Variants in COX10 observed in about 807,000 individuals in gnomAD.
COX10 encodes cytochrome c oxidase assembly factor heme A:farnesyltransferase COX10, also known as protoheme IX farnesyltransferase, mitochondrial.
Under a neutral mutation model 37.3 loss-of-function variants are expected in COX10, and 27 were observed. The observed-to-expected ratio is 0.72, with a 90% CI of 0.53 to 1.00. The LOEUF (loss-of-function observed/expected upper bound fraction) is 1.00, where lower values mean the gene tolerates loss of function less well. Ranked by LOEUF, COX10 falls within the 50% of genes least tolerant of loss-of-function variation. The pLI is 0.00. For missense variants in COX10, 475 were observed against 563.2 expected (o/e 0.84, Z 1.59); for synonymous variants, 222 against 229.1 (o/e 0.97, Z 0.28).
chr17:14,105,657 A>G (rs990199994), intron 4 of COX10, among the ~76,000 whole-genome samples: 4 of 152,190 alleles, frequency 2.6e-5, no homozygotes, highest in Non-Finnish European at 5.9e-5. Context: ...TTTTCATTGC[A>G]TATCAGTGAG....
intron 4 of COX10, among the ~76,000 whole-genome samples, chr17:14,156,095 G>T (rs1407493451): frequency 6.6e-6 from 1 of 152,170 alleles, no homozygotes; most frequent in Non-Finnish European, 1.5e-5. Flanking sequence ...AGTACATTCT[G>T]TGTGCCAGGC....
chr17:14,129,684 T>G (rs1373699538), intron 4 of COX10, among the ~76,000 whole-genome samples: 1 of 152,214 alleles, frequency 6.6e-6, no homozygotes, highest in Admixed American at 6.5e-5. Context: ...TTGTAAACCA[T>G]GTGTTCCTTT....
chr17:14,138,862 G>A (rs900970839), intron 4 of COX10, among the ~76,000 whole-genome samples: 1 of 152,160 alleles, frequency 6.6e-6, no homozygotes, highest in Non-Finnish European at 1.5e-5. Context: ...GTAGTGTGCT[G>A]TGTGGGGTAT....
chr17:14,113,980 CCT>C (rs1916059525), intron 4 of COX10, among the ~76,000 whole-genome samples: 1 of 152,120 alleles, frequency 6.6e-6, no homozygotes, highest in South Asian at 2.1e-4. Flanking sequence ...AATTCTTTGG[CCT>C]AATCGCCTCT....
intron 4 of COX10, among the ~76,000 whole-genome samples, chr17:14,108,117 T>C (rs187800727): frequency 6.6e-6 from 1 of 152,312 alleles, no homozygotes; most frequent in East Asian, 1.9e-4. Context: ...ACTAACATAT[T>C]TTGTACATCC....
At chr17:14,138,930 G>A (rs986250715) in intron 4 of COX10, among the ~76,000 whole-genome samples, 1 of 152,034 alleles carries the variant, frequency 6.6e-6, no homozygotes, top group African/African-American at 2.4e-5. Context: ...ACGAAGCAAC[G>A]GAGACTCAAG....
intron 4 of COX10, among the ~76,000 whole-genome samples, chr17:14,137,706 C>T: frequency 6.6e-6 from 1 of 151,890 alleles, no homozygotes. Flanking sequence ...CTATCTAATA[C>T]AAATCCCTTT....
chr17:14,073,949 A>G (rs1915087142), intron 1 of COX10, among the ~76,000 whole-genome samples: 2 of 152,144 alleles, frequency 1.3e-5, no homozygotes, highest in South Asian at 4.1e-4. Context: ...ATATATTTCA[A>G]TTTATTGTCA....
At chr17:14,183,627 T>C (rs1356842982) in intron 5 of COX10, among the ~76,000 whole-genome samples, 2 of 152,300 alleles carry the variant, frequency 1.3e-5, no homozygotes, top group Non-Finnish European at 2.9e-5. Flanking sequence ...ATAATAAAAT[T>C]AAATTGTAAG....
At chr17:14,182,068 G>A (rs937026260) in intron 5 of COX10, 19 of 981,194 alleles carry the variant, frequency 1.9e-5, no homozygotes, top group Middle Eastern at 5.2e-4. Context: ...CTTTCAGTCA[G>A]CTTTCAGAAC....
chr17:14,181,841 G>A (rs1480843194), intron 5 of COX10, among the ~76,000 whole-genome samples: 3 of 152,018 alleles, frequency 2.0e-5, no homozygotes, highest in African/African-American at 4.8e-5. Context: ...TGGGACAGTA[G>A]GAATCACTCC....
intron 1 of COX10, among the ~76,000 whole-genome samples, chr17:14,071,624 C>T (rs1384783894): frequency 2.0e-5 from 3 of 151,528 alleles, no homozygotes; most frequent in Non-Finnish European, 2.9e-5. Flanking sequence ...TAGCTTACAC[C>T]TGTAATCCCA....
At chr17:14,104,460 T>G (rs912182517) in intron 4 of COX10, among the ~76,000 whole-genome samples, 12 of 152,060 alleles carry the variant, frequency 7.9e-5, no homozygotes, top group Admixed American at 2.0e-4. Context: ...AGCATATAAA[T>G]AAAGAAATAG....
chr17:14,117,937 G>A (rs1373470071), intron 4 of COX10, among the ~76,000 whole-genome samples: 1 of 152,142 alleles, frequency 6.6e-6, no homozygotes, highest in Non-Finnish European at 1.5e-5. Flanking sequence ...TGGGGAGCCA[G>A]AAGGGGGATG....
At chr17:14,124,484 A>T (rs1374254291) in intron 4 of COX10, among the ~76,000 whole-genome samples, 4 of 152,156 alleles carry the variant, frequency 2.6e-5, no homozygotes, top group African/African-American at 9.7e-5. Context: ...TGTTCAGAAT[A>T]TTAGAGTTTG....
intron 4 of COX10, among the ~76,000 whole-genome samples, chr17:14,107,584 C>T (rs1915922438): frequency 6.6e-6 from 1 of 151,490 alleles, no homozygotes; most frequent in Non-Finnish European, 1.5e-5. Context: ...GATTTCCTGA[C>T]CACAGCCAAG....
At chr17:14,080,883 G>GC (rs1456404898) in intron 3 of COX10, among the ~76,000 whole-genome samples, 1 of 151,206 alleles carries the variant, frequency 6.6e-6, no homozygotes, top group African/African-American at 2.4e-5. Context: ...TTTTTTTCAT[G>GC]CCTAGAAAGG....
intron 4 of COX10, among the ~76,000 whole-genome samples, chr17:14,111,798 A>G (rs561856318): frequency 1.3e-5 from 2 of 152,264 alleles, no homozygotes; most frequent in East Asian, 1.9e-4. Flanking sequence ...AGTACAGTGT[A>G]TAATTTCCTT....
At chr17:14,150,053 C>T (rs1904844786) in intron 4 of COX10, among the ~76,000 whole-genome samples, 1 of 152,086 alleles carries the variant, frequency 6.6e-6, no homozygotes, top group South Asian at 2.1e-4. Context: ...GAGTGGATCA[C>T]TTGAGGCCAA....
Sources: gnomAD v4.1 joint callset for allele counts (sites outside exome capture counted in the v4.1 genomes callset) on GRCh38, gnomAD v4.1.1 for gene constraint, MANE v1.5 for transcripts, NCBI Gene and HGNC (gene_info 2026-07-23, HGNC 2026-07-21) for gene names.